PTPRD: variants seen among roughly 807,000 people sequenced by gnomAD.
The protein encoded by PTPRD is protein tyrosine phosphatase receptor type D.
In PTPRD, 34 loss-of-function variants were observed where a neutral mutation model predicts 214.5. That is an observed-to-expected ratio of 0.16 (90% CI 0.12 to 0.21). The LOEUF (loss-of-function observed/expected upper bound fraction) is 0.21. PTPRD is among the 10% of genes least tolerant of loss of function. The probability of loss-of-function intolerance (pLI) is 1.00; values close to 1 mark genes in which losing one functional copy is unlikely to be tolerated. For synonymous variants in PTPRD, 1,128 were observed against 845.7 expected, an observed-to-expected ratio of 1.33 and a Z score of -5.79; for missense variants, 2,545 against 2,398.7, an observed-to-expected ratio of 1.06 and a Z score of -1.27.
intron 3 of PTPRD, among the ~76,000 whole-genome samples, chr9:10,078,531 AAAAAAAAG>A (rs2154186889): frequency 6.6e-6 from 1 of 150,474 alleles, no homozygotes. Flanking sequence ...AAAAAAAAAA[AAAAAAAAG>A]AAAGAACCCA....
chr9:8,766,480 T>C (rs2094759798), intron 11 of PTPRD, among the ~76,000 whole-genome samples: 1 of 152,120 alleles, frequency 6.6e-6, no homozygotes, highest in Non-Finnish European at 1.5e-5. Flanking sequence ...ATAAGTGCAT[T>C]GGAAAATGAA....
chr9:10,341,960 C>A (rs1352655691), intron 2 of PTPRD, among the ~76,000 whole-genome samples: 1 of 151,946 alleles, frequency 6.6e-6, no homozygotes, highest in Non-Finnish European at 1.5e-5. Context: ...AGCTTTCTAA[C>A]CTTTTGAAGC....
At chr9:9,272,424 G>T (rs1041273380) in intron 9 of PTPRD, among the ~76,000 whole-genome samples, 3 of 151,150 alleles carry the variant, frequency 2.0e-5, no homozygotes, top group Non-Finnish European at 4.4e-5. Context: ...CAGTACTGTT[G>T]GGTACTGACT....
intron 14 of PTPRD, among the ~76,000 whole-genome samples, chr9:8,595,528 A>T (rs2094433881): frequency 6.6e-6 from 1 of 152,224 alleles, no homozygotes; most frequent in African/African-American, 2.4e-5. Flanking sequence ...ATGTATGTAT[A>T]GTCACATAAT....
At chr9:9,093,673 G>T (rs1211406927) in intron 10 of PTPRD, among the ~76,000 whole-genome samples, 2 of 151,446 alleles carry the variant, frequency 1.3e-5, no homozygotes. Flanking sequence ...TTTGGGCGGG[G>T]GGGCGGATGT....
intron 6 of PTPRD, among the ~76,000 whole-genome samples, chr9:9,739,474 A>C (rs1057101452): frequency 3.9e-5 from 6 of 152,062 alleles, no homozygotes; most frequent in South Asian, 2.1e-4. Context: ...TTTATTCAAA[A>C]TTCTATGTTT....
chr9:9,987,779 T>C (rs1358026062), intron 4 of PTPRD, among the ~76,000 whole-genome samples: 1 of 152,206 alleles, frequency 6.6e-6, no homozygotes, highest in Non-Finnish European at 1.5e-5. Context: ...AGCAGCATAG[T>C]AATGTATGGA....
chr9:8,831,292 A>G (rs2097285283), intron 11 of PTPRD, among the ~76,000 whole-genome samples: 1 of 152,190 alleles, frequency 6.6e-6, no homozygotes. Context: ...CTTGAATCCT[A>G]GGAGAATGTC....
At chr9:10,345,842 G>A (rs2097068029) in intron 2 of PTPRD, among the ~76,000 whole-genome samples, 1 of 152,134 alleles carries the variant, frequency 6.6e-6, no homozygotes, top group Admixed American at 6.6e-5. Context: ...ATCGCCACAT[G>A]TCTTCCACAT....
chr9:8,837,965 C>T (rs2154531835), intron 11 of PTPRD, among the ~76,000 whole-genome samples: 1 of 152,090 alleles, frequency 6.6e-6, no homozygotes, highest in East Asian at 1.9e-4. Context: ...TGAGTAAGCC[C>T]CATGTTTTGT....
chr9:10,508,183 A>C (rs1004491897), intron 2 of PTPRD, among the ~76,000 whole-genome samples: 51 of 152,142 alleles, frequency 3.4e-4, no homozygotes, highest in African/African-American at 1.2e-3. Flanking sequence ...CAGCCAACAG[A>C]TACATGAAAA....
At chr9:9,906,426 TC>T (rs2077585115) in intron 5 of PTPRD, among the ~76,000 whole-genome samples, 2 of 151,930 alleles carry the variant, frequency 1.3e-5, no homozygotes, top group South Asian at 4.1e-4. Flanking sequence ...TTTTATCTTA[TC>T]TTTTACTGGT....
chr9:9,636,000 G>A (rs2095754336), intron 7 of PTPRD, among the ~76,000 whole-genome samples: 1 of 152,114 alleles, frequency 6.6e-6, no homozygotes, highest in South Asian at 2.1e-4. Context: ...ACTCTTCACT[G>A]ATATATGTAA....
chr9:9,314,720 A>T (rs1326135611), intron 9 of PTPRD, among the ~76,000 whole-genome samples: 1 of 151,912 alleles, frequency 6.6e-6, no homozygotes, highest in Non-Finnish European at 1.5e-5. Context: ...TTGTCCATAA[A>T]CTCTGAGCCA....
chr9:8,716,696 A>G lies in PTPRD; in HGVS notation c.64+17084T>C, dbSNP rs570765219. Among the ~76,000 whole-genome samples the G allele has an allele frequency of 3.3e-5, 5 of 152,284 alleles. No individual in the cohort carries two copies. The South Asian group carries it at 1.0e-3, about 32-fold the overall frequency. On this transcript the variant is annotated intron_variant, in intron 12 of 45. Coordinates refer to ENST00000381196, the MANE Select transcript of PTPRD (RefSeq NM_002839.4). The stretch of plus-strand genomic sequence containing the variant: ...CTAGGAAAATCAAAGGATCCGGAGC[A>G]TGCACTCCCAAATAGGAAGAAGAGA...
At position 8,607,651 on chromosome 9, in the gene PTPRD, A is replaced by C. The variant is rs149341868; in HGVS notation, c.352+25666T>G. Among the ~76,000 whole-genome samples the C allele has an allele frequency of 1.1e-3, 163 of 152,270 alleles. 3 individuals are homozygous for C. The highest frequency in any genetic ancestry group is 3.8e-3 in the African/African-American group (157 of 41,556). On this transcript the variant is annotated intron_variant, in intron 14 of 45. Transcript: ENST00000381196. Reference sequence around the variant, plus strand: ...GAGCGAGATTCTGTCTCGGAAAAAAAATTAAAAAATAAATTAATTAATTAA... The same window carrying C: ...GAGCGAGATTCTGTCTCGGAAAAAACATTAAAAAATAAATTAATTAATTAA...
intron 10 of PTPRD, among the ~76,000 whole-genome samples, chr9:9,076,820 G>T: frequency 6.8e-6 from 1 of 146,990 alleles, no homozygotes. Flanking sequence ...TATATACCTA[G>T]CTGTGGGATT....
At chr9:9,483,063 AGAGT>A (rs1372714847) in intron 8 of PTPRD, among the ~76,000 whole-genome samples, 1 of 152,210 alleles carries the variant, frequency 6.6e-6, no homozygotes. Context: ...ATCTGCATTC[AGAGT>A]ATGACTAAAT....
intron 18 of PTPRD, among the ~76,000 whole-genome samples, chr9:8,524,550 C>G (rs1448354294): frequency 6.6e-6 from 1 of 151,616 alleles, no homozygotes; most frequent in East Asian, 1.9e-4. Context: ...TAGTAGCACA[C>G]CAAGCAATTA....
Sources: gnomAD v4.1 joint callset for allele counts (sites outside exome capture counted in the v4.1 genomes callset) on GRCh38, gnomAD v4.1.1 for gene constraint, MANE v1.5 for transcripts, NCBI Gene and HGNC (gene_info 2026-07-23, HGNC 2026-07-21) for gene names.